LNPEP: variants seen among roughly 807,000 people sequenced by gnomAD.
LNPEP encodes leucyl-cystinyl aminopeptidase.
In LNPEP, 64 loss-of-function variants were observed where a neutral mutation model predicts 120.6. The observed-to-expected ratio is 0.53, with a 90% CI of 0.43 to 0.65. The LOEUF is 0.65. Among genes scored for constraint, LNPEP ranks in the 30% least tolerant of loss-of-function variants. LNPEP has a pLI of 0.00. For missense variants in LNPEP, 1,057 were observed against 1,200.0 expected (o/e 0.88, Z 1.76); for synonymous variants, 435 against 425.4 (o/e 1.02, Z -0.28).
chr5:96,983,787 T>C (rs7722694), intron 2 of LNPEP, among the ~76,000 whole-genome samples: 69,542 of 151,950 alleles, frequency 0.46, 16,010 homozygotes, highest in Non-Finnish European at 0.49. Flanking sequence ...TCAACTGTTG[T>C]TGGTGTGCTA....
chr5:96,966,641 A>C (rs1313839546), intron 1 of LNPEP, among the ~76,000 whole-genome samples: 3 of 151,670 alleles, frequency 2.0e-5, no homozygotes, highest in Non-Finnish European at 4.4e-5. Context: ...CAAAGGTAAA[A>C]TGTGGATAAT....
chr5:97,005,585 A>G (rs1381917954), intron 9 of LNPEP, among the ~76,000 whole-genome samples: 1 of 152,178 alleles, frequency 6.6e-6, no homozygotes, highest in Non-Finnish European at 1.5e-5. Context: ...AGGTCCTAAG[A>G]GACTATCATT....
intron 1 of LNPEP, 97 bp downstream of exon 1, chr5:96,936,271 C>G (rs1788864790): frequency 1.9e-6 from 2 of 1,059,358 alleles, no homozygotes; most frequent in African/African-American, 3.3e-5. Flanking sequence ...GCCGTCTCCC[C>G]CAACACCGCG....
chr5:97,034,256 C>T lies in LNPEP; in HGVS notation c.*5723C>T, dbSNP rs141559250. On this transcript the variant is annotated 3_prime_UTR_variant, in exon 18 of 18. Transcript: ENST00000231368. Reference sequence around the variant, plus strand: ...TTCTTGCTCCTTTTTCCTGTTACTTCATTGTGTGCCAAGGCCTTTCCATGG... The same window carrying T: ...TTCTTGCTCCTTTTTCCTGTTACTTTATTGTGTGCCAAGGCCTTTCCATGG... 2 of 152,008 alleles carry T rather than the reference C, an allele frequency of 1.3e-5. No individual in the cohort carries two copies. The highest frequency in any genetic ancestry group is 2.9e-5 in the Non-Finnish European group (2 of 67,988). 9.4% of individuals were successfully genotyped at this position (152,008 alleles called of 1,614,324 possible).
At chr5:96,986,784 C>A in intron 4 of LNPEP, 114 bp downstream of exon 4, 1 of 946,360 alleles carries the variant, frequency 1.1e-6, no homozygotes, top group Non-Finnish European at 1.6e-6. Flanking sequence ...TTAGATCACA[C>A]TCTGACATTT....
At chr5:97,010,762 T>C in intron 11 of LNPEP, 1 of 985,336 alleles carries the variant, frequency 1.0e-6, no homozygotes, top group Non-Finnish European at 1.2e-6. Flanking sequence ...TGTTGATGAC[T>C]ATAGTAAATT....
At chr5:96,954,703 C>CATATATAT (rs1789406141) in intron 1 of LNPEP, among the ~76,000 whole-genome samples, 2 of 48,454 alleles carry the variant, frequency 4.1e-5, no homozygotes, top group African/African-American at 2.0e-4. Context: ...CACATATATA[C>CATATATAT]ATATATACAC....
At chr5:96,939,580 G>T (rs1447096137) in intron 1 of LNPEP, among the ~76,000 whole-genome samples, 1 of 139,240 alleles carries the variant, frequency 7.2e-6, no homozygotes, top group Middle Eastern at 3.2e-3. Context: ...GCATTTTGAG[G>T]TCCCAGAACT....
At chr5:96,956,201 A>G (rs1789462508) in intron 1 of LNPEP, among the ~76,000 whole-genome samples, 1 of 152,270 alleles carries the variant, frequency 6.6e-6, no homozygotes, top group South Asian at 2.1e-4. Flanking sequence ...ATACAAAGAT[A>G]TATACATAAA....
chr5:96,948,372 C>T (rs1268799459), intron 1 of LNPEP, among the ~76,000 whole-genome samples: 1 of 152,246 alleles, frequency 6.6e-6, no homozygotes, highest in Non-Finnish European at 1.5e-5. Context: ...CCTTTCTCGG[C>T]CTCCCAAAGT....
At position 97,034,437 on chromosome 5, in the gene LNPEP, G is replaced by A. The variant is rs1791533560; in HGVS notation, c.*5904G>A. The stretch of plus-strand genomic sequence containing the variant: ...TGTTTTTTTTTTGGTAGGGGAGGTG[G>A]GGAATTTCTGGGTTTGTCTTTTTTT... On this transcript the variant is annotated 3_prime_UTR_variant, in exon 18 of 18. Coordinates refer to ENST00000231368, the MANE Select transcript of LNPEP (RefSeq NM_005575.3). The A allele has an allele frequency of 6.6e-6, 1 of 151,460 alleles. No individual in the cohort carries two copies. Among genetic ancestry groups the A allele is most frequent in the African/African-American group, 2.4e-5 (1 of 41,266 alleles). The allele number at this position is 151,460 out of a possible 1,614,324, so 9.4% of individuals were successfully genotyped here.
intron 11 of LNPEP, among the ~76,000 whole-genome samples, chr5:97,011,415 A>G (rs1020073063): frequency 2.4e-4 from 37 of 152,084 alleles, no homozygotes; most frequent in Non-Finnish European, 1.0e-4. Context: ...TTTTTTGTAA[A>G]GATGATGTCT....
chr5:96,988,435 T>G (rs1315973546), intron 4 of LNPEP, among the ~76,000 whole-genome samples: 1 of 146,984 alleles, frequency 6.8e-6, no homozygotes, highest in Non-Finnish European at 1.5e-5. Context: ...GCCTCCCGGG[T>G]TCAAGCAATT....
chr5:97,019,321 A>C (rs1461233037), intron 13 of LNPEP, among the ~76,000 whole-genome samples: 1 of 152,142 alleles, frequency 6.6e-6, no homozygotes, highest in African/African-American at 2.4e-5. Flanking sequence ...CCTTAGAAAA[A>C]CATTTCATTT....
At chr5:96,958,349 G>A in intron 1 of LNPEP, 1 of 386,392 alleles carries the variant, frequency 2.6e-6, no homozygotes, top group Non-Finnish European at 3.5e-6. Flanking sequence ...GATTTCAGCT[G>A]ATCTTCTCAG....
intron 13 of LNPEP, among the ~76,000 whole-genome samples, chr5:97,019,758 T>C (rs1791146957): frequency 6.6e-6 from 1 of 152,140 alleles, no homozygotes; most frequent in African/African-American, 2.4e-5. Context: ...TTCAAGCATG[T>C]GATTTTTTTT....
rs1670038182 is a variant in LNPEP, at chr5:97,031,349, C to T, written c.*2816C>T. On this transcript the variant is annotated 3_prime_UTR_variant, in exon 18 of 18. Transcript: ENST00000231368. ...AGCTTCACCATAAGCTTGGGCCTTC[C>T]TCCATCTTGTTTTATTTAAGTCTCT... 6.6e-6 allele frequency: 1 copy of T among 152,050 alleles called. No homozygotes were observed. Among genetic ancestry groups the T allele is most frequent in the South Asian group, 2.1e-4 (1 of 4,808 alleles). 9.4% of individuals were successfully genotyped at this position (152,050 alleles called of 1,614,324 possible).
chr5:96,968,967 A>G (rs886634866), intron 1 of LNPEP, among the ~76,000 whole-genome samples: 1 of 152,086 alleles, frequency 6.6e-6, no homozygotes. Flanking sequence ...GGTCTCTTAG[A>G]TTTAGAACAA....
At position 97,035,354 on chromosome 5, in the gene LNPEP, T is replaced by C. The variant is rs1015203881; in HGVS notation, c.*6821T>C. Reference sequence around the variant, plus strand: ...ATCTCCCATCCTCCCCTTTCCTTATTGCCTGTGTCGGCAATAGGAAGTAGA... The same window carrying C: ...ATCTCCCATCCTCCCCTTTCCTTATCGCCTGTGTCGGCAATAGGAAGTAGA... On this transcript the variant is annotated 3_prime_UTR_variant, in exon 18 of 18. Transcript: ENST00000231368. 10 of 152,192 alleles carry C rather than the reference T, an allele frequency of 6.6e-5. No homozygotes were observed. Among genetic ancestry groups the C allele is most frequent in the African/African-American group, 2.4e-4 (10 of 41,458 alleles). 9.4% of individuals were successfully genotyped at this position (152,192 alleles called of 1,614,324 possible). A position where few individuals can be genotyped will look rare whatever the true frequency, so the allele number is the denominator to read the frequency against.
Sources: allele counts gnomAD v4.1 joint callset (sites outside exome capture counted in the v4.1 genomes callset), GRCh38; gene constraint gnomAD v4.1.1; transcripts MANE v1.5; gene names NCBI Gene and HGNC (gene_info 2026-07-23, HGNC 2026-07-21).